DOCK7: variants seen among roughly 807,000 people sequenced by gnomAD.
DOCK7 encodes dedicator of cytokinesis protein 7.
A neutral mutation model predicts 271.0 loss-of-function variants in DOCK7; 138 were observed. The ratio of observed to expected loss-of-function variants is 0.51; its 90% CI spans 0.44 to 0.59. The LOEUF is 0.59. Among genes scored for constraint, DOCK7 ranks in the 20% least tolerant of loss-of-function variants. DOCK7 has a pLI of 0.00. For synonymous variants in DOCK7, 823 were observed against 876.1 expected, an observed-to-expected ratio of 0.94 and a Z score of 1.07; for missense variants, 2,066 against 2,592.4, an observed-to-expected ratio of 0.80 and a Z score of 4.41.
At chr1:62,583,066 G>T in intron 16 of DOCK7, 118 bp downstream of exon 16, 1 of 748,986 alleles carries the variant, frequency 1.3e-6, no homozygotes, top group Non-Finnish European at 2.2e-6. Flanking sequence ...TAACTCTGAT[G>T]TCAGCCTTGA....
chr1:62,551,757 C>CA (rs1170127672), intron 22 of DOCK7, among the ~76,000 whole-genome samples: 3 of 151,614 alleles, frequency 2.0e-5, no homozygotes, highest in African/African-American at 4.8e-5. Context: ...TCTCATCTTG[C>CA]AATGGCTTTC....
Position 62,676,335 on chromosome 1 carries a change from T to C in DOCK7, c.38+11892A>G, listed in dbSNP as rs557932861. Among the ~76,000 whole-genome samples, 317 of 152,272 alleles carry C rather than the reference T, an allele frequency of 2.1e-3. 2 individuals carry two copies. Among genetic ancestry groups the C allele is most frequent in the African/African-American group, 7.2e-3 (301 of 41,540 alleles). ...TTTTCAGAAAAGGCAAATTGAGAGA[T>C]TGATACAAAAAGATTAGTTATGCCC... On this transcript the variant is annotated intron_variant, in intron 1 of 49. Transcript: ENST00000635253.
intron 39 of DOCK7, chr1:62,495,014 T>C (rs1646579753): frequency 6.6e-6 from 1 of 152,380 alleles, no homozygotes; most frequent in South Asian, 2.1e-4. Context: ...TCTTCAGTCA[T>C]AACTGTATTG....
At chr1:62,557,407 C>T (rs1403815053) in intron 20 of DOCK7, among the ~76,000 whole-genome samples, 6 of 151,426 alleles carry the variant, frequency 4.0e-5, no homozygotes, top group African/African-American at 1.5e-4. Flanking sequence ...GCTGATTTCT[C>T]TCAGCACATA....
At chr1:62,597,246 TAA>T (rs1365494626) in intron 14 of DOCK7, among the ~76,000 whole-genome samples, 1 of 152,128 alleles carries the variant, frequency 6.6e-6, no homozygotes, top group Non-Finnish European at 1.5e-5. Context: ...CTTAAAATCA[TAA>T]AAAAGTAAAA....
chr1:62,495,544 C>T (rs747766278), intron 39 of DOCK7, 37 bp downstream of exon 39: 157 of 1,391,274 alleles, frequency 1.1e-4, no homozygotes, highest in Non-Finnish European at 1.4e-4. Context: ...TTACTAAGTC[C>T]CTTATACAAA....
intron 47 of DOCK7, among the ~76,000 whole-genome samples, 192 bp downstream of exon 47, chr1:62,475,016 C>G (rs1645930085): frequency 6.6e-6 from 1 of 152,112 alleles, no homozygotes; most frequent in Admixed American, 6.5e-5. Context: ...TTTGTACAAG[C>G]TTTTTAAGGA....
intron 14 of DOCK7, among the ~76,000 whole-genome samples, chr1:62,614,250 G>C (rs1035208911): frequency 6.6e-6 from 1 of 151,998 alleles, no homozygotes; most frequent in Non-Finnish European, 1.5e-5. Flanking sequence ...GCTGTCAGCT[G>C]CTGAGGTTGT....
At chr1:62,662,834 T>C (rs1557875853) in intron 2 of DOCK7, among the ~76,000 whole-genome samples, 191 bp downstream of exon 2, 1 of 152,098 alleles carries the variant, frequency 6.6e-6, no homozygotes, top group African/African-American at 2.4e-5. Flanking sequence ...AGTTTCAGAG[T>C]TGGCTAGGAA....
At chr1:62,503,929 C>A (rs1022595492) in intron 37 of DOCK7, among the ~76,000 whole-genome samples, 3 of 151,966 alleles carry the variant, frequency 2.0e-5, no homozygotes, top group Admixed American at 6.6e-5. Context: ...CACCTGTAAT[C>A]CCAGCTACTT....
rs147371901 is a variant in DOCK7 at position 62,524,931 on chromosome 1, C to CTATATATATATATATATATATA, written c.3936+3198_3936+3219dup. On this transcript the variant is annotated intron_variant, in intron 31 of 49. Coordinates refer to ENST00000635253, the MANE Select transcript of DOCK7 (RefSeq NM_001367561.1). ...AACAAAACAAAACCAACCAACCAAA[C>CTATATATATATATATATATATA]TATATATATATATATATATATATAT... 2.6e-3 allele frequency among the ~76,000 whole-genome samples: 271 copies of CTATATATATATATATATATATA among 103,520 alleles called. 3 individuals carry two copies. Among genetic ancestry groups the CTATATATATATATATATATATA allele is most frequent in the African/African-American group, 4.8e-3 (109 of 22,580 alleles). 67.9% of individuals were successfully genotyped at this position (103,520 alleles called of 152,430 possible).
chr1:62,460,604 AACACACACACACACAC>A (rs57641890), intron 48 of DOCK7, among the ~76,000 whole-genome samples: 6 of 148,906 alleles, frequency 4.0e-5, no homozygotes, highest in East Asian at 2.0e-4. Flanking sequence ...CAATGTATTG[AACACACACACACACAC>A]ACACACACAC....
intron 1 of DOCK7, 121 bp downstream of exon 1, chr1:62,688,106 C>G: frequency 8.7e-7 from 1 of 1,153,058 alleles, no homozygotes; most frequent in Non-Finnish European, 1.1e-6. Flanking sequence ...CGCCGCGAGC[C>G]AGGCCGCGGG....
At chr1:62,620,305 A>G (rs1308565955) in intron 12 of DOCK7, among the ~76,000 whole-genome samples, 2 of 151,642 alleles carry the variant, frequency 1.3e-5, no homozygotes, top group East Asian at 3.9e-4. Flanking sequence ...ATGGAGCAAG[A>G]CTCTGTCTCA....
intron 14 of DOCK7, chr1:62,606,071 T>C (rs1015243406): frequency 1.3e-5 from 2 of 152,056 alleles, no homozygotes; most frequent in Non-Finnish European, 2.9e-5. Flanking sequence ...ATGTCACATA[T>C]ATAAAAGATA....
intron 8 of DOCK7, among the ~76,000 whole-genome samples, chr1:62,636,070 G>A (rs1655233432): frequency 6.6e-6 from 1 of 152,180 alleles, no homozygotes; most frequent in African/African-American, 2.4e-5. Flanking sequence ...GGCTAACACG[G>A]TGAAATCCCA....
chr1:62,680,451 G>A (rs370660502), intron 1 of DOCK7, among the ~76,000 whole-genome samples: 33 of 149,870 alleles, frequency 2.2e-4, no homozygotes, highest in Admixed American at 4.6e-4. Context: ...GAAAACCTAG[G>A]CAATACCATT....
intron 21 of DOCK7, 68 bp downstream of exon 21, chr1:62,555,757 A>G (rs1646119718): frequency 1.3e-6 from 2 of 1,520,812 alleles, no homozygotes; most frequent in Non-Finnish European, 1.8e-6. Flanking sequence ...GGACTACAAA[A>G]TTATCTCAAT....
Position 62,457,602 on chromosome 1 carries a change from G to A in DOCK7, c.6316C>T (p.Gln2106Ter), listed in dbSNP as rs1645383270. The A allele has an allele frequency of 1.2e-6, 2 of 1,614,190 alleles. No individual in the cohort carries two copies. Among genetic ancestry groups the A allele is most frequent in the Non-Finnish European group, 1.7e-6 (2 of 1,180,024 alleles). The stretch of plus-strand genomic sequence containing the variant: ...GGGATCTTTCTGTTGATCAGTGGCT[G>A]TAGGGCCTCTTTAAGGCGATGATAG... ...RNYHRLKEAL[Q>*]PLINRKIPQL... The change falls in exon 49 of 50, where the codon CAG (glutamine) becomes TAG (stop). Residue 2106 changes from glutamine to a stop codon, truncating the protein, a stop_gained. Transcript: ENST00000635253. LOFTEE classifies it high-confidence loss of function.
Sources: allele counts gnomAD v4.1 joint callset (sites outside exome capture counted in the v4.1 genomes callset), GRCh38; gene constraint gnomAD v4.1.1; transcripts MANE v1.5; gene names NCBI Gene and HGNC (gene_info 2026-07-23, HGNC 2026-07-21).